The following ODAD1 variants were observed in gnomAD, a reference collection of about 807,000 sequenced individuals.
ODAD1 encodes outer dynein arm-docking complex subunit 1.
In ODAD1, 49 loss-of-function variants were observed where a neutral mutation model predicts 67.2. That is an observed-to-expected ratio of 0.73 (90% confidence interval 0.58 to 0.92). The LOEUF is 0.92. Among genes scored for constraint, ODAD1 ranks in the 40% least tolerant of loss-of-function variants. The pLI is 0.00. For synonymous variants in ODAD1, 345 were observed against 393.7 expected (o/e 0.88, Z 1.46); for missense variants, 897 against 953.7 (o/e 0.94, Z 0.78).
chr19:48,310,884 C>T (rs1968740865), intron 7 of ODAD1, among the ~76,000 whole-genome samples: 1 of 150,616 alleles, frequency 6.6e-6, no homozygotes, highest in African/African-American at 2.4e-5. Context: ...CAAGACTAGC[C>T]TGGGCAACAT....
In ODAD1 at chr19:48,298,213, C is replaced by A. The variant is rs768975947; in HGVS notation, c.1368G>T (p.Val456=). 8.7e-6 allele frequency: 14 copies of A among 1,613,692 alleles called. No homozygotes were observed. The South Asian group carries it at 1.5e-4, about 18-fold the overall frequency. ...GGAAGGCCTGCACTGTCAGGAGCTC[C>A]ACCAGCCGCTTCTCAATGAGGCTCA... ...LFLSLIEKRL[V]ELLTVQAFLH... is the part of the protein sequence containing the mutation. Residue 456 remains valine (V), a synonymous_variant, in exon 13 of 16, where the codon GTG becomes GTT. Coordinates refer to ENST00000674294, the MANE Select transcript of ODAD1 (RefSeq NM_001364171.2).
At position 48,297,166 on chromosome 19, in the gene ODAD1, C is replaced by G. The variant is rs139193954; in HGVS notation, c.1934G>C (p.Ser645Thr). 12 of 1,614,048 alleles carry G rather than the reference C, an allele frequency of 7.4e-6. No individual in the cohort carries two copies. The highest frequency in any genetic ancestry group is 9.3e-6 in the Non-Finnish European group (11 of 1,180,034). Residue 645 changes from serine (S) to threonine (T), a missense_variant, in exon 16 of 16, where the codon AGC (serine) becomes ACC (threonine). Transcript: ENST00000674294. ...CACGTATCCAGTGGAGCCCAGGTAG[C>G]TGCTGGCGCTGACGGGTCTGAAGGT... Reference protein sequence around the residue: ...HVTFRPVSASSYLGSTGYVGS... With the variant: ...HVTFRPVSASTYLGSTGYVGS...
intron 6 of ODAD1, 116 bp downstream of exon 6, chr19:48,311,878 T>C (rs1968773076): frequency 9.8e-7 from 1 of 1,015,258 alleles, no homozygotes. Context: ...TCCAGAATCC[T>C]GTGTCCTGAC....
chr19:48,300,268 A>G (rs562994361), intron 12 of ODAD1, among the ~76,000 whole-genome samples: 179 of 152,272 alleles, frequency 1.2e-3, no homozygotes, highest in African/African-American at 3.2e-3. Flanking sequence ...GTGCCACTGC[A>G]CTCCAGCCTG....
chr19:48,317,497 C>T (rs976935870), intron 5 of ODAD1, among the ~76,000 whole-genome samples: 2 of 152,100 alleles, frequency 1.3e-5, no homozygotes, highest in South Asian at 2.1e-4. Flanking sequence ...TGCCTGCCCC[C>T]GATCACAGAG....
chr19:48,310,464 C>T (rs151327716), intron 7 of ODAD1, among the ~76,000 whole-genome samples: 13 of 152,288 alleles, frequency 8.5e-5, no homozygotes, highest in Non-Finnish European at 1.9e-4. Context: ...GTGACCTTGA[C>T]ATATGGACGG....
chr19:48,307,915 C>T (rs1009470241), intron 7 of ODAD1, among the ~76,000 whole-genome samples: 2 of 151,974 alleles, frequency 1.3e-5, no homozygotes, highest in Admixed American at 1.3e-4. Context: ...ATGGCCAACC[C>T]CAGGGATGGG....
At chr19:48,319,095 G>A (rs1441384420) in intron 3 of ODAD1, among the ~76,000 whole-genome samples, 1 of 151,930 alleles carries the variant, frequency 6.6e-6, no homozygotes, top group Non-Finnish European at 1.5e-5. Flanking sequence ...TGGGACCTGG[G>A]CACACCACCT....
In ODAD1 at chr19:48,312,111, C is replaced by A. The variant is rs1345120367; in HGVS notation, c.366G>T (p.Gln122His). 3.9e-6 allele frequency: 6 copies of A among 1,551,402 alleles called. No homozygotes were observed. In the Admixed American group the frequency reaches 1.2e-4, roughly 30 times the overall value. The change falls in exon 6 of 16, where the codon CAG (glutamine) becomes CAT (histidine). Residue 122 changes from glutamine (Q) to histidine (H), a missense_variant. Coordinates refer to ENST00000674294, the MANE Select transcript of ODAD1 (RefSeq NM_001364171.2). ...GGGTAAAGATCCGCGTCTCCCACTC[C>A]TGGATCTACAAGAAAGAGGATGGTA... Reference protein sequence around the residue: ...EQTRALDKQIQEWETRIFTHS... With the variant: ...EQTRALDKQIHEWETRIFTHS...
intron 8 of ODAD1, among the ~76,000 whole-genome samples, chr19:48,304,435 A>G (rs371320827): frequency 6.6e-6 from 1 of 152,192 alleles, no homozygotes; most frequent in African/African-American, 2.4e-5. Flanking sequence ...CCTGGCCAAC[A>G]TGGTGAAACT....
chr19:48,302,635 G>A (rs1395998445), intron 12 of ODAD1, 59 bp downstream of exon 12: 2 of 1,471,610 alleles, frequency 1.4e-6, no homozygotes, highest in South Asian at 1.2e-5. Flanking sequence ...CCCGCGGGCT[G>A]ATGGTGTCCT....
intron 5 of ODAD1, among the ~76,000 whole-genome samples, chr19:48,317,028 C>CT (rs971831865): frequency 7.9e-5 from 12 of 152,170 alleles, no homozygotes; most frequent in Admixed American, 6.6e-4. Flanking sequence ...GTGGGTCTCT[C>CT]TCTGTTGCCC....
chr19:48,306,104 G>T, intron 8 of ODAD1, 152 bp downstream of exon 8: 1 of 735,320 alleles, frequency 1.4e-6, no homozygotes, highest in Non-Finnish European at 1.7e-6. Context: ...GTGGGGAACT[G>T]GTGGCGGGGA....
At chr19:48,312,712 C>T (rs1968797748) in intron 5 of ODAD1, among the ~76,000 whole-genome samples, 1 of 152,152 alleles carries the variant, frequency 6.6e-6, no homozygotes, top group Admixed American at 6.5e-5. Context: ...CCACTGCACC[C>T]GGCCCTGACT....
At chr19:48,300,777 A>C (rs1268664389) in intron 12 of ODAD1, among the ~76,000 whole-genome samples, 1 of 152,226 alleles carries the variant, frequency 6.6e-6, no homozygotes, top group African/African-American at 2.4e-5. Context: ...GTCACCAGGG[A>C]AATGCCAATT....
rs549208893 is a variant in ODAD1, at chr19:48,316,144, C to T, written c.360+2243G>A. 9.9e-5 allele frequency among the ~76,000 whole-genome samples: 15 copies of T among 152,044 alleles called. No homozygotes were observed. The South Asian group carries it at 2.1e-3, about 21-fold the overall frequency. On this transcript the variant is annotated intron_variant, in intron 5 of 15. Transcript: ENST00000674294. The stretch of plus-strand genomic sequence containing the variant: ...CTGTAATCCCAGCACTTTGGAAGGC[C>T]GAGGCAGGTGGATCACTTGAGGTCA...
chr19:48,320,836 G>A (rs190430680), intron 1 of ODAD1, 25 bp from the exon 2 acceptor site: 2 of 154,702 alleles, frequency 1.3e-5, no homozygotes, highest in Admixed American at 1.3e-4. Flanking sequence ...GACCAATGAG[G>A]ACTGAGGACA....
intron 7 of ODAD1, 25 bp from the exon 8 acceptor site, chr19:48,306,348 A>C (rs1968608303): frequency 6.5e-7 from 1 of 1,543,090 alleles, no homozygotes; most frequent in Non-Finnish European, 8.8e-7. Context: ...GAAAAAAATC[A>C]GTGCCACTTC....
chr19:48,303,619 G>A (rs749492737), intron 10 of ODAD1, 31 bp downstream of exon 10: 2 of 1,613,392 alleles, frequency 1.2e-6, no homozygotes, highest in Non-Finnish European at 1.7e-6. Flanking sequence ...GGGGTCCCGG[G>A]CCTCCTCCCT....
Sources: allele counts gnomAD v4.1 joint callset (sites outside exome capture counted in the v4.1 genomes callset), GRCh38; gene constraint gnomAD v4.1.1; transcripts MANE v1.5; gene names NCBI Gene and HGNC (gene_info 2026-07-23, HGNC 2026-07-21).